The following MALRD1 variants were observed in gnomAD, a reference collection of about 807,000 sequenced individuals.
The protein encoded by MALRD1 is MAM and LDL receptor class A domain containing 1.
MALRD1 carries 247 observed loss-of-function variants against 242.1 expected under a neutral mutation model. The observed-to-expected ratio is 1.02, with a 90% CI of 0.92 to 1.13. MALRD1 has a LOEUF of 1.13. Ranked by LOEUF, MALRD1 falls within the 50% of genes most tolerant of loss-of-function variation. The probability of loss-of-function intolerance (pLI) is 0.00; values close to 1 mark genes in which losing one functional copy is unlikely to be tolerated. For missense variants in MALRD1, 2,989 were observed against 2,533.1 expected (o/e 1.18, Z -3.86); for synonymous variants, 995 against 866.6 (o/e 1.15, Z -2.60).
At chr10:19,255,320 G>C (rs1341496704) in intron 18 of MALRD1, among the ~76,000 whole-genome samples, 1 of 151,828 alleles carries the variant, frequency 6.6e-6, no homozygotes, top group African/African-American at 2.4e-5. Flanking sequence ...TATATACAAT[G>C]TATAATGCTT....
chr10:19,100,388 G>A (rs1439692970), intron 4 of MALRD1, among the ~76,000 whole-genome samples: 2 of 150,482 alleles, frequency 1.3e-5, no homozygotes, highest in African/African-American at 5.0e-5. Context: ...AATATCTATG[G>A]CAAACTCTAA....
chr10:19,168,337 C>A (rs914449677), intron 13 of MALRD1, among the ~76,000 whole-genome samples: 2 of 152,172 alleles, frequency 1.3e-5, no homozygotes, highest in African/African-American at 4.8e-5. Context: ...TTGCCTCCTG[C>A]ATTTATATTC....
At chr10:19,606,986 A>G (rs538582700) in intron 34 of MALRD1, among the ~76,000 whole-genome samples, 1 of 152,174 alleles carries the variant, frequency 6.6e-6, no homozygotes, top group African/African-American at 2.4e-5. Flanking sequence ...AATTAAATTA[A>G]TCACGTTGTA....
intron 6 of MALRD1, 91 bp downstream of exon 6, chr10:19,123,684 T>G: frequency 1.5e-6 from 1 of 651,762 alleles, no homozygotes; most frequent in Non-Finnish European, 2.2e-6. Context: ...CGCCAACCTT[T>G]GTTGACATTA....
At position 19,498,520 on chromosome 10, in the gene MALRD1, G is replaced by T; in HGVS notation, c.5194G>T (p.Glu1732Ter). The T allele has an allele frequency of 6.5e-7, 1 of 1,550,206 alleles. No individual in the cohort carries two copies. The highest frequency in any genetic ancestry group is 1.2e-5 in the South Asian group (1 of 84,032). Residue 1732 changes from glutamate to a stop codon, truncating the protein, a stop_gained, in exon 31 of 40, where the codon GAA becomes TAA. Coordinates refer to ENST00000454679, the MANE Select transcript of MALRD1 (RefSeq NM_001142308.3). LOFTEE classifies it high-confidence loss of function. Reference protein sequence around the residue: ...YTSTTGSCNFETSSGNWTTAC... With the variant: ...YTSTTGSCNF ...AAGCACAACAGGAAGCTGCAATTTT[G>T]AAACAAGTTCAGGAAACTGGACCAC... is the stretch of plus-strand genomic sequence containing the variant.
At chr10:19,485,227 T>C (rs1837184974) in intron 29 of MALRD1, among the ~76,000 whole-genome samples, 1 of 152,206 alleles carries the variant, frequency 6.6e-6, no homozygotes, top group South Asian at 2.1e-4. Flanking sequence ...CTGATGAGTG[T>C]AATGTATGTA....
At chr10:19,636,317 C>A (rs764007000) in intron 36 of MALRD1, among the ~76,000 whole-genome samples, 25 of 152,038 alleles carry the variant, frequency 1.6e-4, no homozygotes, top group Non-Finnish European at 3.1e-4. Context: ...TACCCATTGA[C>A]TTTCCAATAA....
intron 21 of MALRD1, among the ~76,000 whole-genome samples, chr10:19,300,115 C>G (rs1034196217): frequency 5.9e-5 from 9 of 151,888 alleles, no homozygotes; most frequent in Non-Finnish European, 1.2e-4. Flanking sequence ...CAGTTCCATT[C>G]ACAACAGCCA....
chr10:19,204,306 A>G lies in MALRD1; in HGVS notation c.2105-2A>G, dbSNP rs1229794099. 6.0e-6 allele frequency: 9 copies of G among 1,507,374 alleles called. No individual in the cohort carries two copies. In the African/African-American group the frequency reaches 7.2e-5, roughly 12 times the overall value. The allele number at this position is 1,507,374 out of a possible 1,614,324, so 93.4% of individuals were successfully genotyped here. A position where few individuals can be genotyped will look rare whatever the true frequency, so the allele number is the denominator to read the frequency against. On this transcript the variant is annotated splice_acceptor_variant, in intron 15 of 39. Transcript: ENST00000454679. LOFTEE classifies it high-confidence loss of function. Reference sequence around the variant, plus strand: ...GTTTTTTTTTTTTTTTTATCTCAACAGGGCATTTTATGTTCATTCTGAAGA... The same window carrying G: ...GTTTTTTTTTTTTTTTTATCTCAACGGGGCATTTTATGTTCATTCTGAAGA...
intron 20 of MALRD1, among the ~76,000 whole-genome samples, chr10:19,281,851 G>C (rs933695196): frequency 1.3e-5 from 2 of 150,882 alleles, no homozygotes; most frequent in Non-Finnish European, 2.9e-5. Flanking sequence ...GCGTGTGCCT[G>C]TAATCCCAGC....
intron 38 of MALRD1, among the ~76,000 whole-genome samples, chr10:19,720,894 T>C (rs1834716111): frequency 6.6e-6 from 1 of 152,148 alleles, no homozygotes; most frequent in African/African-American, 2.4e-5. Flanking sequence ...AGATGATACA[T>C]GTGAATCATT....
intron 10 of MALRD1, among the ~76,000 whole-genome samples, chr10:19,141,096 T>G (rs1231985201): frequency 1.2e-4 from 19 of 152,152 alleles, no homozygotes; most frequent in Non-Finnish European, 2.9e-5. Context: ...GCTTAAAAAA[T>G]TAATACATAT....
rs1177741677 is a variant in MALRD1 at position 19,306,735 on chromosome 10, G to A, written c.3420-17214G>A. ...CTCACAGTTCAGCATGGCTTGAGAGGCCTCAGGAAACTTACAATCATGGCA... is the reference window on the plus strand; with the variant it reads ...CTCACAGTTCAGCATGGCTTGAGAGACCTCAGGAAACTTACAATCATGGCA... On this transcript the variant is annotated intron_variant, in intron 21 of 39. Coordinates refer to ENST00000454679, the MANE Select transcript of MALRD1 (RefSeq NM_001142308.3). Among the ~76,000 whole-genome samples, 3 of 151,280 alleles carry A rather than the reference G, an allele frequency of 2.0e-5. No homozygotes were observed. In the Admixed American group the frequency reaches 2.0e-4, roughly 10 times the overall value.
In MALRD1 at chr10:19,180,120, G is replaced by A. The variant is rs185269098; in HGVS notation, c.1951+4792G>A. ...CCCATTTTATTGATTACCTATACCC[G>A]AGGTGAAAACCAAGGTGGTTTTGAG... On this transcript the variant is annotated intron_variant, in intron 14 of 39. Transcript: ENST00000454679. Among the ~76,000 whole-genome samples, 72 of 152,290 alleles carry A rather than the reference G, an allele frequency of 4.7e-4. 1 individual carries two copies. The South Asian group carries it at 0.011, about 23-fold the overall frequency.
intron 13 of MALRD1, among the ~76,000 whole-genome samples, chr10:19,168,368 C>A (rs775951011): frequency 1.3e-5 from 2 of 152,076 alleles, no homozygotes; most frequent in African/African-American, 2.4e-5. Context: ...TGTTTTCATT[C>A]GGTTTGCTTT....
intron 8 of MALRD1, among the ~76,000 whole-genome samples, chr10:19,132,063 A>G (rs1564412361): frequency 6.6e-6 from 1 of 152,228 alleles, no homozygotes; most frequent in African/African-American, 2.4e-5. Context: ...TGGCTTATGA[A>G]AAACCATTTA....
At chr10:19,367,099 A>G (rs1845141570) in intron 26 of MALRD1, among the ~76,000 whole-genome samples, 2 of 152,160 alleles carry the variant, frequency 1.3e-5, no homozygotes, top group African/African-American at 4.8e-5. Context: ...TCAAATGTGT[A>G]TTATTTATTT....
At chr10:19,584,980 T>A (rs1837313808) in intron 33 of MALRD1, among the ~76,000 whole-genome samples, 1 of 152,210 alleles carries the variant, frequency 6.6e-6, no homozygotes, top group Non-Finnish European at 1.5e-5. Flanking sequence ...CATTATGTAA[T>A]GGCCTTCCTT....
At position 19,124,466 on chromosome 10, in the gene MALRD1, G is replaced by T. The variant is rs1459281974; in HGVS notation, c.797-58G>T. On this transcript the variant is annotated intron_variant, in intron 6 of 39. Transcript: ENST00000454679. ...TTTGGTTGATTACAACACATAACTT[G>T]GTTAAGCAGCCACTCTAGCAGACTA... 3.3e-6 allele frequency: 4 copies of T among 1,223,224 alleles called. No homozygotes were observed. In the East Asian group the frequency reaches 9.5e-5, roughly 29 times the overall value. The allele number at this position is 1,223,224 out of a possible 1,614,324, so 75.8% of individuals were successfully genotyped here.
Sources: allele counts gnomAD v4.1 joint callset (sites outside exome capture counted in the v4.1 genomes callset), GRCh38; gene constraint gnomAD v4.1.1; transcripts MANE v1.5; gene names NCBI Gene and HGNC (gene_info 2026-07-23, HGNC 2026-07-21).